Variants in VPS13A observed in about 807,000 individuals in gnomAD.
VPS13A encodes the protein intermembrane lipid transfer protein VPS13A.
VPS13A carries 264 observed loss-of-function variants against 390.9 expected under a neutral mutation model. That is an observed-to-expected ratio of 0.68 (90% confidence interval 0.61 to 0.75). The LOEUF is 0.75. Ranked by LOEUF, VPS13A falls within the 30% of genes least tolerant of loss-of-function variation. The pLI is 0.00. For synonymous variants in VPS13A, 1,231 were observed against 1,227.1 expected, an observed-to-expected ratio of 1.00 and a Z score of -0.07; for missense variants, 3,409 against 3,733.9, an observed-to-expected ratio of 0.91 and a Z score of 2.27.
chr9:77,311,029 A>G (rs1439464146), intron 35 of VPS13A, among the ~76,000 whole-genome samples: 1 of 151,318 alleles, frequency 6.6e-6, no homozygotes, highest in Non-Finnish European at 1.5e-5. Context: ...GGTTCACGCC[A>G]TTCTCCTGCC....
At chr9:77,351,227 C>T in intron 52 of VPS13A, 90 bp from the exon 53 acceptor site, 1 of 1,527,184 alleles carries the variant, frequency 6.5e-7, no homozygotes, top group Non-Finnish European at 9.0e-7. Context: ...TCTCAGTGAA[C>T]TAAGAATTAA....
intron 45 of VPS13A, among the ~76,000 whole-genome samples, chr9:77,327,040 G>T (rs1377990536): frequency 6.6e-6 from 1 of 152,136 alleles, no homozygotes; most frequent in Non-Finnish European, 1.5e-5. Context: ...CTTCAACTTG[G>T]CTGCCTGCTC....
At chr9:77,259,958 T>C in intron 22 of VPS13A, 128 bp from the exon 23 acceptor site, 1 of 697,226 alleles carries the variant, frequency 1.4e-6, no homozygotes, top group Non-Finnish European at 2.3e-6. Context: ...AAGACGGAAA[T>C]TGGAATAGAG....
At chr9:77,182,124 C>T (rs1277633405) in intron 1 of VPS13A, among the ~76,000 whole-genome samples, 6 of 152,116 alleles carry the variant, frequency 3.9e-5, no homozygotes, top group South Asian at 2.1e-4. Context: ...GACGGAGTCT[C>T]GTTCTGTCAC....
chr9:77,201,430 A>T (rs751101064), intron 3 of VPS13A, 23 bp downstream of exon 3: 1 of 1,590,192 alleles, frequency 6.3e-7, no homozygotes, highest in Non-Finnish European at 8.6e-7. Flanking sequence ...CATTATTGGG[A>T]TATCCTCCTT....
At chr9:77,399,177 A>T (rs59082945) in intron 68 of VPS13A, among the ~76,000 whole-genome samples, 987 of 89,482 alleles carry the variant, frequency 0.011, no homozygotes, top group Non-Finnish European at 0.015. Flanking sequence ...TAAAAAAAAA[A>T]AAATAAAAAA....
rs1172781069 is a variant in VPS13A at position 77,253,936 on chromosome 9, C to CTTTTTTTTT, written c.2288+1602_2288+1610dup. 1.6e-4 allele frequency among the ~76,000 whole-genome samples: 9 copies of CTTTTTTTTT among 55,064 alleles called. 1 individual carries two copies. The highest frequency in any genetic ancestry group is 4.5e-4 in the Admixed American group (2 of 4,460). The allele number at this position is 55,064 out of a possible 152,430, so 36.1% of individuals were successfully genotyped here. On this transcript the variant is annotated intron_variant, in intron 22 of 71. Coordinates refer to ENST00000360280, the MANE Select transcript of VPS13A (RefSeq NM_033305.3). ...TATAGGATAAGGACCGGCCTTTATT[C>CTTTTTTTTT]TTTTTTTTTTTTTTTTTTTTTTTTT...
chr9:77,271,483 C>T (rs7849109), intron 23 of VPS13A, among the ~76,000 whole-genome samples: 89,859 of 152,062 alleles, frequency 0.59, 28,799 homozygotes, highest in African/African-American at 0.85. Context: ...AATGAAGTCA[C>T]ATGCCTACCA....
chr9:77,311,804 A>G (rs552047795), intron 35 of VPS13A, among the ~76,000 whole-genome samples: 1 of 152,338 alleles, frequency 6.6e-6, no homozygotes, highest in East Asian at 1.9e-4. Flanking sequence ...GAATGTTTAC[A>G]AAGATGCACC....
intron 46 of VPS13A, among the ~76,000 whole-genome samples, chr9:77,334,523 G>A (rs1357437067): frequency 6.6e-6 from 1 of 151,994 alleles, no homozygotes; most frequent in Non-Finnish European, 1.5e-5. Flanking sequence ...TTGTCACTTG[G>A]CAAATACCTT....
intron 1 of VPS13A, 74 bp downstream of exon 1, chr9:77,177,878 C>A: frequency 7.3e-7 from 1 of 1,374,748 alleles, no homozygotes; most frequent in Non-Finnish European, 1.0e-6. Flanking sequence ...CGGCGTCCTG[C>A]GTTCTCGGGG....
chr9:77,340,084 A>C, intron 48 of VPS13A, 94 bp from the exon 49 acceptor site: 1 of 1,363,436 alleles, frequency 7.3e-7, no homozygotes. Flanking sequence ...TAACAATATA[A>C]TATTTTGTTT....
intron 23 of VPS13A, among the ~76,000 whole-genome samples, chr9:77,271,906 G>A: frequency 6.6e-6 from 1 of 152,146 alleles, no homozygotes; most frequent in Non-Finnish European, 1.5e-5. Context: ...CCTAATGATT[G>A]CAAGGAGCTT....
rs1395797414 is a variant in VPS13A at position 77,407,526 on chromosome 9, T to G, written c.9400-7T>G. 1 of 1,608,694 alleles carries G rather than the reference T, an allele frequency of 6.2e-7. No homozygotes were observed. Among genetic ancestry groups the G allele is most frequent in the East Asian group, 2.2e-5 (1 of 44,732 alleles). On this transcript the variant is annotated splice_region_variant and splice_polypyrimidine_tract_variant and intron_variant, in intron 70 of 71. Coordinates refer to ENST00000360280, the MANE Select transcript of VPS13A (RefSeq NM_033305.3). ...CTTTTTAATGAATTTACATATTCTG[T>G]TTATAGGAACGAGTGAAGTCTGTAT...
intron 19 of VPS13A, among the ~76,000 whole-genome samples, chr9:77,238,718 A>C (rs1319680886): frequency 6.6e-6 from 1 of 152,188 alleles, no homozygotes; most frequent in African/African-American, 2.4e-5. Flanking sequence ...AGCCTCAGGG[A>C]AAAAAGTTCT....
At chr9:77,252,687 C>T (rs1426486395) in intron 22 of VPS13A, among the ~76,000 whole-genome samples, 1 of 152,186 alleles carries the variant, frequency 6.6e-6, no homozygotes, top group Non-Finnish European at 1.5e-5. Context: ...ATTATATCTT[C>T]TGTCTTTATG....
chr9:77,371,804 C>A (rs1832774064), intron 67 of VPS13A, among the ~76,000 whole-genome samples: 1 of 112,982 alleles, frequency 8.9e-6, no homozygotes, highest in African/African-American at 3.3e-5. Context: ...CTATCCCTCC[C>A]CCCTCCCCCC....
At chr9:77,266,965 C>T (rs1826072904) in intron 23 of VPS13A, among the ~76,000 whole-genome samples, 1 of 151,928 alleles carries the variant, frequency 6.6e-6, no homozygotes, top group Non-Finnish European at 1.5e-5. Flanking sequence ...GCTATTGATA[C>T]TTGTATATGC....
intron 31 of VPS13A, among the ~76,000 whole-genome samples, chr9:77,290,726 C>T (rs968876727): frequency 6.6e-6 from 1 of 152,228 alleles, no homozygotes; most frequent in South Asian, 2.1e-4. Flanking sequence ...TACTGACAAA[C>T]CCACTGAAGG....
Sources: gnomAD v4.1 joint callset for allele counts (sites outside exome capture counted in the v4.1 genomes callset) on GRCh38, gnomAD v4.1.1 for gene constraint, MANE v1.5 for transcripts, NCBI Gene and HGNC (gene_info 2026-07-23, HGNC 2026-07-21) for gene names.